CSMD1: variants seen among roughly 807,000 people sequenced by gnomAD.
CSMD1 encodes CUB and sushi domain-containing protein 1.
In CSMD1, 213 loss-of-function variants were observed where a neutral mutation model predicts 417.5. That is an observed-to-expected ratio of 0.51 (90% CI 0.46 to 0.57). The LOEUF is 0.57. Ranked by LOEUF, CSMD1 falls within the 20% of genes least tolerant of loss-of-function variation. The pLI, the probability that CSMD1 is intolerant of heterozygous loss-of-function variation, is 0.00. For synonymous variants in CSMD1, 2,862 were observed against 1,736.8 expected, an observed-to-expected ratio of 1.65 and a Z score of -16.11; for missense variants, 6,923 against 4,529.7, an observed-to-expected ratio of 1.53 and a Z score of -15.17.
chr8:3,447,523 C>G lies in CSMD1; in HGVS notation c.1561+21189G>C, dbSNP rs377647379. Among the ~76,000 whole-genome samples, 13 of 152,264 alleles carry G rather than the reference C, an allele frequency of 8.5e-5. No individual in the cohort carries two copies. In the East Asian group the frequency reaches 1.9e-3, roughly 23 times the overall value. On this transcript the variant is annotated intron_variant, in intron 12 of 69. Transcript: ENST00000635120. The stretch of plus-strand genomic sequence containing the variant: ...AGTGCAGGCAGTGTACTTTGTGCGG[C>G]TGGTGTGGGACAGGTGGCACCCGGA...
chr8:4,041,141 C>A (rs539508282), intron 3 of CSMD1, among the ~76,000 whole-genome samples: 25 of 151,382 alleles, frequency 1.7e-4, no homozygotes, highest in East Asian at 1.2e-3. Context: ...CTCAGCCTCC[C>A]GAGTAGCTGG....
intron 3 of CSMD1, among the ~76,000 whole-genome samples, chr8:4,388,356 T>G (rs1361396925): frequency 6.8e-6 from 1 of 145,988 alleles, no homozygotes; most frequent in Non-Finnish European, 1.5e-5. Context: ...GAACACATGA[T>G]GGACTGCTAC....
chr8:4,800,853 C>A (rs1394243181), intron 1 of CSMD1, among the ~76,000 whole-genome samples: 1 of 152,190 alleles, frequency 6.6e-6, no homozygotes, highest in African/African-American at 2.4e-5. Flanking sequence ...AGCCCTGAAA[C>A]CTCAACTTTA....
At chr8:3,044,537 G>C (rs1251885722) in intron 50 of CSMD1, among the ~76,000 whole-genome samples, 1 of 151,954 alleles carries the variant, frequency 6.6e-6, no homozygotes, top group Non-Finnish European at 1.5e-5. Flanking sequence ...GTTAAACCCA[G>C]TCCGTTAATA....
chr8:3,037,692 C>G (rs1047403708), intron 50 of CSMD1, among the ~76,000 whole-genome samples: 1 of 152,066 alleles, frequency 6.6e-6, no homozygotes. Flanking sequence ...TTTTGCTTTA[C>G]CCTTACAGCT....
intron 1 of CSMD1, among the ~76,000 whole-genome samples, chr8:4,720,211 T>C (rs1808963802): frequency 6.6e-6 from 1 of 151,504 alleles, no homozygotes. Flanking sequence ...TTTTGTTCCT[T>C]GATGTTTCTT....
intron 5 of CSMD1, among the ~76,000 whole-genome samples, chr8:3,830,740 A>G: frequency 6.6e-6 from 1 of 152,306 alleles, no homozygotes; most frequent in Non-Finnish European, 1.5e-5. Flanking sequence ...TTAAAATATA[A>G]TAATTATTCA....
Position 4,370,256 on chromosome 8 carries a change from T to C in CSMD1, c.415+49697A>G, listed in dbSNP as rs188246805. Among the ~76,000 whole-genome samples, 134 of 152,318 alleles carry C rather than the reference T, an allele frequency of 8.8e-4. 1 individual carries two copies. The highest frequency in any genetic ancestry group is 1.8e-3 in the Admixed American group (28 of 15,284). The stretch of plus-strand genomic sequence containing the variant: ...GTTTGGAATTACTTTTTAAGGATAT[T>C]CAATACAGGCTCCCAGTCTTTCCCA... On this transcript the variant is annotated intron_variant, in intron 3 of 69. Coordinates refer to ENST00000635120, the MANE Select transcript of CSMD1 (RefSeq NM_033225.6).
intron 3 of CSMD1, among the ~76,000 whole-genome samples, chr8:4,279,041 T>C (rs1796638427): frequency 6.6e-6 from 1 of 152,210 alleles, no homozygotes; most frequent in Admixed American, 6.5e-5. Flanking sequence ...CACATTACTT[T>C]CCATAAACAT....
intron 3 of CSMD1, among the ~76,000 whole-genome samples, chr8:4,107,960 A>C (rs1358815164): frequency 6.6e-6 from 1 of 152,172 alleles, no homozygotes; most frequent in African/African-American, 2.4e-5. Context: ...AACTGCAGTA[A>C]AAGTAGCATT....
rs528024876 is a variant in CSMD1 at position 4,146,384 on chromosome 8, A to G, written c.416-114285T>C. On this transcript the variant is annotated intron_variant, in intron 3 of 69. Coordinates refer to ENST00000635120, the MANE Select transcript of CSMD1 (RefSeq NM_033225.6). ...CCAACATCGACTTGCAGAGCTGGCA[A>G]TTCGGGGTTGATAATGTGGCACAGC... Among the ~76,000 whole-genome samples the G allele has an allele frequency of 5.3e-5, 8 of 150,502 alleles. No homozygotes were observed. In the South Asian group the frequency reaches 1.5e-3, roughly 27 times the overall value.
At chr8:3,886,113 C>T (rs780411790) in intron 5 of CSMD1, among the ~76,000 whole-genome samples, 4 of 151,918 alleles carry the variant, frequency 2.6e-5, no homozygotes, top group Non-Finnish European at 4.4e-5. Flanking sequence ...CACAGTGCTG[C>T]GATCTCAGCT....
intron 7 of CSMD1, among the ~76,000 whole-genome samples, chr8:3,663,021 G>C (rs1425912617): frequency 1.3e-5 from 2 of 151,926 alleles, no homozygotes; most frequent in African/African-American, 2.4e-5. Flanking sequence ...AATAAATAAA[G>C]ACTCCATGCC....
At chr8:4,239,995 T>C (rs1024140567) in intron 3 of CSMD1, among the ~76,000 whole-genome samples, 1 of 152,226 alleles carries the variant, frequency 6.6e-6, no homozygotes, top group African/African-American at 2.4e-5. Flanking sequence ...TAAAAATACA[T>C]AAGGCGTGTT....
At chr8:3,724,799 C>T (rs529777119) in intron 6 of CSMD1, among the ~76,000 whole-genome samples, 1 of 152,318 alleles carries the variant, frequency 6.6e-6, no homozygotes, top group East Asian at 1.9e-4. Flanking sequence ...AGTACTTTGC[C>T]ATCAGCAGAA....
intron 3 of CSMD1, among the ~76,000 whole-genome samples, chr8:4,386,725 G>A (rs1041026885): frequency 6.6e-6 from 1 of 152,166 alleles, no homozygotes; most frequent in Non-Finnish European, 1.5e-5. Context: ...AGGGATAGCT[G>A]GCAGAGAAGT....
At chr8:4,033,976 T>C (rs1352674858) in intron 3 of CSMD1, among the ~76,000 whole-genome samples, 1 of 152,232 alleles carries the variant, frequency 6.6e-6, no homozygotes, top group East Asian at 1.9e-4. Flanking sequence ...TCAAGTAAGC[T>C]ATGAAACTTA....
intron 2 of CSMD1, among the ~76,000 whole-genome samples, chr8:4,603,487 A>G (rs1329768959): frequency 2.0e-5 from 3 of 152,164 alleles, no homozygotes; most frequent in Admixed American, 6.5e-5. Flanking sequence ...ATAAATAATA[A>G]AGGTAAGTAT....
At chr8:4,795,755 T>A (rs541045175) in intron 1 of CSMD1, among the ~76,000 whole-genome samples, 1 of 152,214 alleles carries the variant, frequency 6.6e-6, no homozygotes, top group Non-Finnish European at 1.5e-5. Context: ...GTCAGTTACC[T>A]CCGTACCTGT....
Sources: gnomAD v4.1 joint callset for allele counts (sites outside exome capture counted in the v4.1 genomes callset) on GRCh38, gnomAD v4.1.1 for gene constraint, MANE v1.5 for transcripts, NCBI Gene and HGNC (gene_info 2026-07-23, HGNC 2026-07-21) for gene names.